NWD1: variants seen among roughly 807,000 people sequenced by gnomAD.
NWD1 encodes NACHT and WD repeat domain containing 1.
Under a neutral mutation model 135.1 loss-of-function variants are expected in NWD1, and 129 were observed. The ratio of observed to expected loss-of-function variants is 0.96; its 90% confidence interval spans 0.83 to 1.11. The LOEUF is 1.11. Among genes scored for constraint, NWD1 ranks in the 50% least tolerant of loss-of-function variants. The pLI is 0.00. For synonymous variants in NWD1, 773 were observed against 786.0 expected, an observed-to-expected ratio of 0.98 and a Z score of 0.28; for missense variants, 1,740 against 1,851.3, an observed-to-expected ratio of 0.94 and a Z score of 1.10.
rs755971373 is a variant in NWD1 at position 16,750,048 on chromosome 19, G to T, written c.1406G>T (p.Cys469Phe). 6.2e-7 allele frequency: 1 copy of T among 1,613,938 alleles called. No homozygotes were observed. Among genetic ancestry groups the T allele is most frequent in the South Asian group, 1.1e-5 (1 of 91,078 alleles). The change falls in exon 6 of 19, where the codon TGC becomes TTC. Residue 469 changes from cysteine (C) to phenylalanine (F), a missense_variant. By Grantham distance (205) the Cys-to-Phe change is radical. Coordinates refer to ENST00000524140, the MANE Select transcript of NWD1 (RefSeq NM_001007525.5). The part of the protein sequence containing the change: ...PPRVHLILSA[C>F]SGALGVLDTL... The stretch of plus-strand genomic sequence containing the variant: ...AGGGTGCACCTCATCCTCTCAGCTT[G>T]CTCGGGGGCACTGGGGGTTTTGGAC...
chr19:16,775,039 C>T (rs1969550978), intron 11 of NWD1, among the ~76,000 whole-genome samples: 1 of 152,190 alleles, frequency 6.6e-6, no homozygotes, highest in South Asian at 2.1e-4. Flanking sequence ...CACCCACAAT[C>T]TCTCACACTG....
chr19:16,729,583 A>T (rs1411120463), intron 2 of NWD1, among the ~76,000 whole-genome samples: 1 of 151,814 alleles, frequency 6.6e-6, no homozygotes, highest in Non-Finnish European at 1.5e-5. Context: ...AAAGTAAAAA[A>T]AAAAAAAAAA....
Position 16,750,341 on chromosome 19 carries a change from T to C in NWD1, c.1699T>C (p.Cys567Arg), listed in dbSNP as rs1485576071. The C allele has an allele frequency of 6.2e-7, 1 of 1,611,964 alleles. No homozygotes were observed. Among genetic ancestry groups the C allele is most frequent in the African/African-American group, 1.3e-5 (1 of 74,864 alleles). The stretch of plus-strand genomic sequence containing the variant: ...CGCAGAGGAAGCCACGCACCAACTC[T>C]GCACCCGCCTGGAGCAGACACACGG... ...TTAEEATHQL[C>R]TRLEQTHGQL... The change falls in exon 6 of 19, where the codon TGC (cysteine) becomes CGC (arginine). Residue 567 changes from cysteine to arginine, a missense_variant. Coordinates refer to ENST00000524140, the MANE Select transcript of NWD1 (RefSeq NM_001007525.5).
At chr19:16,735,226 A>G (rs1344437464) in intron 3 of NWD1, among the ~76,000 whole-genome samples, 1 of 152,150 alleles carries the variant, frequency 6.6e-6, no homozygotes, top group Non-Finnish European at 1.5e-5. Flanking sequence ...CTTTGAGGAC[A>G]GGTGCAGTAG....
At chr19:16,739,355 A>AAAAAAT (rs1491391537) in intron 4 of NWD1, among the ~76,000 whole-genome samples, 1 of 130,488 alleles carries the variant, frequency 7.7e-6, no homozygotes. Flanking sequence ...AAAAAAAAAA[A>AAAAAAT]TTATTTTTTT....
rs1322660465 is a variant in NWD1 at position 16,789,140 on chromosome 19, C to T, written c.2890C>T (p.Leu964Phe). Residue 964 changes from leucine (L) to phenylalanine (F), a missense_variant, in exon 13 of 19, where the codon CTT becomes TTT. Transcript: ENST00000524140. ...TCCCGCTGAACCTCAGATCTGGAAC[C>T]TTCATGTGGATGAGGCACACAAAGT... ...KNPAEPQIWN[L>F]HVDEAHKVVY... 6 of 1,613,952 alleles carry T rather than the reference C, an allele frequency of 3.7e-6. No homozygotes were observed. In the African/African-American group the frequency reaches 4.0e-5, roughly 11 times the overall value.
chr19:16,730,005 C>T (rs1967491760), intron 2 of NWD1, among the ~76,000 whole-genome samples: 1 of 152,128 alleles, frequency 6.6e-6, no homozygotes. Flanking sequence ...CAATAGCACT[C>T]TTCACAAACT....
chr19:16,738,730 CTATATATAATA>C (rs1393447378), intron 4 of NWD1, among the ~76,000 whole-genome samples: 4 of 138,870 alleles, frequency 2.9e-5, no homozygotes, highest in East Asian at 2.0e-4. Flanking sequence ...TATATATAAT[CTATATATAATA>C]TATATATTAT....
intron 11 of NWD1, among the ~76,000 whole-genome samples, chr19:16,774,360 C>G (rs1367240000): frequency 6.6e-6 from 1 of 151,564 alleles, no homozygotes; most frequent in African/African-American, 2.4e-5. Context: ...TCCCACCCAT[C>G]CACCCATCCA....
intron 18 of NWD1, among the ~76,000 whole-genome samples, chr19:16,814,507 A>G (rs1162248062): frequency 6.6e-6 from 1 of 152,232 alleles, no homozygotes; most frequent in African/African-American, 2.4e-5. Flanking sequence ...AAGGTCACAA[A>G]ACAAGTAAGT....
At chr19:16,731,317 T>C (rs1332724825) in intron 3 of NWD1, 39 bp downstream of exon 3, 5 of 1,281,310 alleles carry the variant, frequency 3.9e-6, no homozygotes, top group Non-Finnish European at 5.4e-6. Context: ...CTTTTTTTAT[T>C]TTTTTTTGAC....
chr19:16,764,349 C>T lies in NWD1; in HGVS notation c.2251+404C>T, dbSNP rs10413402. 4.1e-3 allele frequency among the ~76,000 whole-genome samples: 614 copies of T among 150,276 alleles called. 5 individuals carry two copies. The highest frequency in any genetic ancestry group is 0.014 in the African/African-American group (591 of 40,910). On this transcript the variant is annotated intron_variant, in intron 9 of 18. Transcript: ENST00000524140. ...CCACCTATCCATCCATCCATCCATCCACCCATCTTCTGTCCATCCATCCAT... is the reference window on the plus strand; with the variant it reads ...CCACCTATCCATCCATCCATCCATCTACCCATCTTCTGTCCATCCATCCAT...
chr19:16,763,974 C>A, intron 9 of NWD1, 29 bp downstream of exon 9: 3 of 1,373,206 alleles, frequency 2.2e-6, no homozygotes, highest in South Asian at 1.2e-5. Context: ...CTCAGAGGAC[C>A]GAGCCTGGTG....
At chr19:16,808,557 A>G (rs1384725782) in intron 18 of NWD1, among the ~76,000 whole-genome samples, 1 of 151,980 alleles carries the variant, frequency 6.6e-6, no homozygotes, top group African/African-American at 2.4e-5. Context: ...AAAAAAAGAA[A>G]AGAAAAGAAA....
chr19:16,726,746 G>A (rs1392035015), intron 2 of NWD1, among the ~76,000 whole-genome samples: 1 of 152,108 alleles, frequency 6.6e-6, no homozygotes, highest in Non-Finnish European at 1.5e-5. Context: ...GCCTAAAACT[G>A]GTTTCTCAGT....
At chr19:16,800,196 G>C in intron 17 of NWD1, 34 bp downstream of exon 17, 1 of 1,560,598 alleles carries the variant, frequency 6.4e-7, no homozygotes, top group Non-Finnish European at 8.7e-7. Context: ...ATTTTTGTGG[G>C]TAAGGCTTGG....
chr19:16,784,415 A>G (rs953280413), intron 12 of NWD1, among the ~76,000 whole-genome samples: 3 of 152,046 alleles, frequency 2.0e-5, no homozygotes. Flanking sequence ...ACAGGAGGAT[A>G]TATATAGGCT....
At chr19:16,743,058 G>A (rs929165379) in intron 4 of NWD1, among the ~76,000 whole-genome samples, 4 of 150,728 alleles carry the variant, frequency 2.7e-5, no homozygotes, top group African/African-American at 9.8e-5. Flanking sequence ...GATTACACCT[G>A]CACGCCACCA....
intron 18 of NWD1, among the ~76,000 whole-genome samples, chr19:16,811,231 T>C (rs1419662575): frequency 6.6e-6 from 1 of 152,144 alleles, no homozygotes; most frequent in Non-Finnish European, 1.5e-5. Context: ...AATACAATCA[T>C]AGCTAACATC....
Sources: allele counts gnomAD v4.1 joint callset (sites outside exome capture counted in the v4.1 genomes callset), GRCh38; gene constraint gnomAD v4.1.1; transcripts MANE v1.5; gene names NCBI Gene and HGNC (gene_info 2026-07-23, HGNC 2026-07-21).